PHF3: variants seen among roughly 807,000 people sequenced by gnomAD.
The protein encoded by PHF3 is PHD finger protein 3.
Under a neutral mutation model 178.4 loss-of-function variants are expected in PHF3, and 41 were observed. The ratio of observed to expected loss-of-function variants is 0.23; its 90% confidence interval spans 0.18 to 0.30. The LOEUF (loss-of-function observed/expected upper bound fraction) is 0.30, where lower values mean the gene tolerates loss of function less well. Among genes scored for constraint, PHF3 ranks in the 10% least tolerant of loss-of-function variants. The pLI is 1.00. For missense variants in PHF3, 2,346 were observed against 2,398.1 expected (o/e 0.98, Z 0.45); for synonymous variants, 842 against 800.5 (o/e 1.05, Z -0.88).
chr6:63,680,334 A>G (rs1346706832), intron 3 of PHF3, among the ~76,000 whole-genome samples, 173 bp downstream of exon 3: 1 of 148,700 alleles, frequency 6.7e-6, no homozygotes, highest in Non-Finnish European at 1.5e-5. Context: ...TTCAGTACCC[A>G]CCACCCCACA....
chr6:63,685,824 G>C lies in PHF3; in HGVS notation c.2102G>C (p.Gly701Ala). 6.2e-7 allele frequency: 1 copy of C among 1,613,668 alleles called. No homozygotes were observed. The highest frequency in any genetic ancestry group is 8.5e-7 in the Non-Finnish European group (1 of 1,180,014). ...AACATAGCTACCATAAGAAGAGAAG[G>C]CTCTGATCATAGCTCCTCATTTGAA... ...PDNIATIRRE[G>A]SDHSSSFESK... is the part of the protein sequence containing the mutation. Residue 701 changes from glycine to alanine, a missense_variant, in exon 4 of 16, where the codon GGC becomes GCC. By Grantham distance (60) the Gly-to-Ala change is moderately conservative. Coordinates refer to ENST00000262043, the MANE Select transcript of PHF3 (RefSeq NM_001370348.2).
At chr6:63,659,135 G>A (rs1369815256) in intron 2 of PHF3, among the ~76,000 whole-genome samples, 1 of 152,154 alleles carries the variant, frequency 6.6e-6, no homozygotes, top group Non-Finnish European at 1.5e-5. Flanking sequence ...GACGTATAAA[G>A]TGAACAATCT....
chr6:63,655,570 T>G (rs1765198722), intron 2 of PHF3, among the ~76,000 whole-genome samples: 1 of 152,196 alleles, frequency 6.6e-6, no homozygotes, highest in Non-Finnish European at 1.5e-5. Flanking sequence ...TGTTATTTCT[T>G]TTTATAAAAA....
At chr6:63,667,342 A>G (rs527760917) in intron 2 of PHF3, among the ~76,000 whole-genome samples, 7 of 152,312 alleles carry the variant, frequency 4.6e-5, no homozygotes, top group Admixed American at 3.9e-4. Flanking sequence ...TTTTAATTTA[A>G]TTTTGTATTT....
rs1180829806 is a variant in PHF3, at chr6:63,721,176, G to A, written c.*7468G>A. ...CATAAATTTTGCAGTTGAAAATGAAGTTTTGTTTTCACAATACCTTCCCAC... is the reference window on the plus strand; with the variant it reads ...CATAAATTTTGCAGTTGAAAATGAAATTTTGTTTTCACAATACCTTCCCAC... On this transcript the variant is annotated 3_prime_UTR_variant, in exon 16 of 16. Coordinates refer to ENST00000262043, the MANE Select transcript of PHF3 (RefSeq NM_001370348.2). 3.2e-6 allele frequency: 5 copies of A among 1,551,454 alleles called. No individual in the cohort carries two copies. The African/African-American group carries it at 4.1e-5, about 13-fold the overall frequency.
chr6:63,699,392 A>C (rs1352938832), intron 8 of PHF3, among the ~76,000 whole-genome samples: 1 of 152,188 alleles, frequency 6.6e-6, no homozygotes, highest in Non-Finnish European at 1.5e-5. Context: ...TTTTGCATAA[A>C]AGGTTTTCAC....
intron 2 of PHF3, among the ~76,000 whole-genome samples, chr6:63,659,572 G>T (rs150859503): frequency 2.2e-4 from 34 of 152,244 alleles, no homozygotes; most frequent in African/African-American, 7.7e-4. Context: ...AAATCTTCAC[G>T]AAAACCTTAA....
chr6:63,712,872 A>G lies in PHF3; in HGVS notation c.5284A>G (p.Thr1762Ala). Reference sequence around the variant, plus strand: ...ATTTCGAAGAGGATCAGCAGTAGCGACATCTCATTTTGAAGTTGGAAACAC... The same window carrying G: ...ATTTCGAAGAGGATCAGCAGTAGCGGCATCTCATTTTGAAGTTGGAAACAC... The part of the protein sequence containing the change: ...HPFRRGSAVA[T>A]SHFEVGNTCP... The change falls in exon 16 of 16, where the codon ACA becomes GCA. Residue 1762 changes from threonine to alanine, a missense_variant. Transcript: ENST00000262043. The G allele has an allele frequency of 6.2e-7, 1 of 1,614,082 alleles. No individual in the cohort carries two copies. The highest frequency in any genetic ancestry group is 8.5e-7 in the Non-Finnish European group (1 of 1,179,968).
intron 2 of PHF3, among the ~76,000 whole-genome samples, chr6:63,661,048 G>C (rs1448047041): frequency 1.3e-5 from 2 of 152,072 alleles, no homozygotes. Flanking sequence ...CAGTAAACAT[G>C]AATCAGTAAT....
At position 63,685,649 on chromosome 6, in the gene PHF3, G is replaced by T. The variant is rs140995432; in HGVS notation, c.1927G>T (p.Val643Leu). The change falls in exon 4 of 16, where the codon GTG (valine) becomes TTG (leucine). Residue 643 changes from valine (V) to leucine (L), a missense_variant. Coordinates refer to ENST00000262043, the MANE Select transcript of PHF3 (RefSeq NM_001370348.2). Reference protein sequence around the residue: ...QAPAMKTNSHVKEELEHPGVE... With the variant: ...QAPAMKTNSHLKEELEHPGVE... ...CCCAGCAATGAAAACCAATAGTCACGTGAAGGAAGAGCTTGAACACCCAGG... is the reference window on the plus strand; with the variant it reads ...CCCAGCAATGAAAACCAATAGTCACTTGAAGGAAGAGCTTGAACACCCAGG... 6.2e-7 allele frequency: 1 copy of T among 1,614,084 alleles called. No homozygotes were observed.
chr6:63,712,487 AAACCTTGTTGCT>A lies in PHF3; in HGVS notation c.4902_4913del (p.Leu1635_Asn1638del), dbSNP rs911866090. ...TAGATGGTAATGTGAGCTGTAGTGA[AAACCTTGTTGCT>A]AATACAGCGAGGTCTCCACAGTTTA... On this transcript the variant is annotated inframe_deletion, in exon 16 of 16. Transcript: ENST00000262043. The A allele has an allele frequency of 1.2e-6, 2 of 1,613,832 alleles. No individual in the cohort carries two copies. Among genetic ancestry groups the A allele is most frequent in the Admixed American group, 1.7e-5 (1 of 59,956 alleles).
chr6:63,670,576 G>T (rs1255969162), intron 2 of PHF3, among the ~76,000 whole-genome samples: 2 of 152,160 alleles, frequency 1.3e-5, no homozygotes. Flanking sequence ...ATGAGCCACC[G>T]TGCCCGGCGG....
At chr6:63,674,598 T>A (rs1386915459) in intron 2 of PHF3, among the ~76,000 whole-genome samples, 5 of 152,016 alleles carry the variant, frequency 3.3e-5, no homozygotes, top group Non-Finnish European at 7.4e-5. Context: ...GGTGGTCAAG[T>A]AGAGACTGGT....
rs950759647 is a variant in PHF3, at chr6:63,652,520, T to C, written c.244+5725T>C. On this transcript the variant is annotated intron_variant, in intron 2 of 15. Coordinates refer to ENST00000262043, the MANE Select transcript of PHF3 (RefSeq NM_001370348.2). ...TCACTCTGTTTATTGTTTCCTTTGC[T>C]GTCCAGAGCTTTTTAGTTTGATCTA... Among the ~76,000 whole-genome samples, 4 of 152,308 alleles carry C rather than the reference T, an allele frequency of 2.6e-5. No homozygotes were observed. The East Asian group carries it at 7.7e-4, about 29-fold the overall frequency.
chr6:63,649,995 T>C (rs1053641595), intron 2 of PHF3, among the ~76,000 whole-genome samples: 2 of 152,238 alleles, frequency 1.3e-5, no homozygotes, highest in Non-Finnish European at 2.9e-5. Context: ...ACAAATGTGT[T>C]CCCTTTTTAC....
intron 2 of PHF3, among the ~76,000 whole-genome samples, chr6:63,658,513 A>G (rs534520198): frequency 1.2e-4 from 19 of 152,058 alleles, no homozygotes; most frequent in Non-Finnish European, 2.5e-4. Flanking sequence ...GGCATCCAGT[A>G]ATTTTTACTT....
At position 63,711,351 on chromosome 6, in the gene PHF3, T is replaced by G; in HGVS notation, c.3986T>G (p.Phe1329Cys). The G allele has an allele frequency of 1.9e-6, 3 of 1,607,538 alleles. No individual in the cohort carries two copies. Among genetic ancestry groups the G allele is most frequent in the Non-Finnish European group, 2.5e-6 (3 of 1,176,884 alleles). ...TDKIPHPLVP[F>C]DGPGLELHRP... ...AAAATTCCACACCCTCTTGTGCCTT[T>G]TGATGGACCTGGTAGGTATACGTTT... is the stretch of plus-strand genomic sequence containing the variant. Residue 1329 changes from phenylalanine to cysteine, a missense_variant, in exon 15 of 16, where the codon TTT becomes TGT. Coordinates refer to ENST00000262043, the MANE Select transcript of PHF3 (RefSeq NM_001370348.2).
At chr6:63,652,726 G>T (rs1044607444) in intron 2 of PHF3, among the ~76,000 whole-genome samples, 1 of 152,064 alleles carries the variant, frequency 6.6e-6, no homozygotes, top group East Asian at 1.9e-4. Flanking sequence ...GAGAGATGGG[G>T]TTTAGTTTCG....
intron 2 of PHF3, among the ~76,000 whole-genome samples, chr6:63,667,667 G>T (rs1000982226): frequency 6.6e-6 from 1 of 152,174 alleles, no homozygotes; most frequent in Non-Finnish European, 1.5e-5. Context: ...TGTAATCAAG[G>T]ACCTAGTTTG....
Sources: allele counts gnomAD v4.1 joint callset (sites outside exome capture counted in the v4.1 genomes callset), GRCh38; gene constraint gnomAD v4.1.1; transcripts MANE v1.5; gene names NCBI Gene and HGNC (gene_info 2026-07-23, HGNC 2026-07-21).